HS3ST3A1: variants seen among roughly 807,000 people sequenced by gnomAD.
HS3ST3A1 encodes heparan sulfate-glucosamine 3-sulfotransferase 3A1.
Under a neutral mutation model 25.7 loss-of-function variants are expected in HS3ST3A1, and 19 were observed. The ratio of observed to expected loss-of-function variants is 0.74; its 90% confidence interval spans 0.52 to 1.08. The LOEUF (loss-of-function observed/expected upper bound fraction) is 1.08, where lower values mean the gene tolerates loss of function less well. HS3ST3A1 is among the 50% of genes least tolerant of loss of function. HS3ST3A1 has a pLI of 0.00. For missense variants in HS3ST3A1, 459 were observed against 594.3 expected, an observed-to-expected ratio of 0.77 and a Z score of 2.37; for synonymous variants, 226 against 278.6, an observed-to-expected ratio of 0.81 and a Z score of 1.88.
intron 1 of HS3ST3A1, among the ~76,000 whole-genome samples, chr17:13,594,772 A>G (rs1265061851): frequency 6.6e-6 from 1 of 152,216 alleles, no homozygotes; most frequent in Non-Finnish European, 1.5e-5. Flanking sequence ...CTTGCTTGAA[A>G]AAAAGGCAAA....
chr17:13,562,393 G>A (rs1431902895), intron 1 of HS3ST3A1, among the ~76,000 whole-genome samples: 1 of 152,186 alleles, frequency 6.6e-6, no homozygotes, highest in Non-Finnish European at 1.5e-5. Context: ...TGTCACCAGT[G>A]TGGCTGCTCG....
At chr17:13,521,866 T>A (rs8073867) in intron 1 of HS3ST3A1, among the ~76,000 whole-genome samples, 42,395 of 152,008 alleles carry the variant, frequency 0.28, 6,286 homozygotes, top group East Asian at 0.34. Context: ...CGTTCCAGGA[T>A]GGATAATTCT....
At chr17:13,499,008 T>C (rs1905372881) in intron 1 of HS3ST3A1, among the ~76,000 whole-genome samples, 1 of 152,106 alleles carries the variant, frequency 6.6e-6, no homozygotes, top group South Asian at 2.1e-4. Flanking sequence ...TTACTTTTTA[T>C]AGACATTTGC....
chr17:13,596,060 A>G (rs993108296), intron 1 of HS3ST3A1, among the ~76,000 whole-genome samples: 16 of 152,172 alleles, frequency 1.1e-4, no homozygotes, highest in African/African-American at 3.6e-4. Context: ...AAGGAGACAA[A>G]TATTTTGGCC....
At chr17:13,523,582 A>G (rs898144518) in intron 1 of HS3ST3A1, among the ~76,000 whole-genome samples, 1 of 152,150 alleles carries the variant, frequency 6.6e-6, no homozygotes, top group African/African-American at 2.4e-5. Flanking sequence ...TTTCCATAGA[A>G]TTTGTGCCCT....
rs555060885 is a variant in HS3ST3A1, at chr17:13,598,579, C to T, written c.599+1952G>A. ...TAAATTGCTTTACAAAACTCTTCTGCTGCAGTAAACAATCCAAGAAGAGAT... is the reference window on the plus strand; with the variant it reads ...TAAATTGCTTTACAAAACTCTTCTGTTGCAGTAAACAATCCAAGAAGAGAT... On this transcript the variant is annotated intron_variant, in intron 1 of 1. Coordinates refer to ENST00000284110, the MANE Select transcript of HS3ST3A1 (RefSeq NM_006042.3). 3.3e-5 allele frequency among the ~76,000 whole-genome samples: 5 copies of T among 152,330 alleles called. No individual in the cohort carries two copies. In the East Asian group the frequency reaches 9.6e-4, roughly 29 times the overall value.
chr17:13,514,771 A>C (rs1905997530), intron 1 of HS3ST3A1, among the ~76,000 whole-genome samples: 1 of 152,182 alleles, frequency 6.6e-6, no homozygotes, highest in Admixed American at 6.5e-5. Context: ...AAAGTGATGA[A>C]ACTGTTTTAT....
At chr17:13,556,440 G>C (rs1281804090) in intron 1 of HS3ST3A1, among the ~76,000 whole-genome samples, 1 of 151,210 alleles carries the variant, frequency 6.6e-6, no homozygotes, top group Non-Finnish European at 1.5e-5. Flanking sequence ...CCCGGGAGGC[G>C]GAGCTTGCAG....
chr17:13,573,204 T>C (rs1044048197), intron 1 of HS3ST3A1, among the ~76,000 whole-genome samples: 3 of 152,170 alleles, frequency 2.0e-5, no homozygotes, highest in African/African-American at 7.2e-5. Context: ...GCCCTAGATC[T>C]CATCCACCCT....
intron 1 of HS3ST3A1, among the ~76,000 whole-genome samples, chr17:13,573,532 C>T (rs1042891491): frequency 2.6e-5 from 4 of 152,138 alleles, no homozygotes; most frequent in Non-Finnish European, 4.4e-5. Context: ...AACCAGAAAT[C>T]GAAATCTGAT....
At chr17:13,518,300 T>C (rs1906119232) in intron 1 of HS3ST3A1, among the ~76,000 whole-genome samples, 1 of 152,324 alleles carries the variant, frequency 6.6e-6, no homozygotes, top group East Asian at 1.9e-4. Flanking sequence ...CTCTAATTTA[T>C]TCATACAATG....
chr17:13,529,559 A>T (rs1906538166), intron 1 of HS3ST3A1, among the ~76,000 whole-genome samples: 1 of 152,208 alleles, frequency 6.6e-6, no homozygotes, highest in Non-Finnish European at 1.5e-5. Flanking sequence ...ACTGTATGTG[A>T]CAAATCCCAT....
At chr17:13,551,375 A>G (rs1051537357) in intron 1 of HS3ST3A1, among the ~76,000 whole-genome samples, 1 of 147,298 alleles carries the variant, frequency 6.8e-6, no homozygotes, top group African/African-American at 2.5e-5. Flanking sequence ...ATAAATAAAT[A>G]AATAAATAAA....
rs530248665 is a variant in HS3ST3A1, at chr17:13,543,436, A to G, written c.600-46618T>C. ...AAAAATATTTTTTTTTCTCTGACAT[A>G]GCCCAAGCAGACTAATACAGTGCCA... is the stretch of plus-strand genomic sequence containing the variant. On this transcript the variant is annotated intron_variant, in intron 1 of 1. Coordinates refer to ENST00000284110, the MANE Select transcript of HS3ST3A1 (RefSeq NM_006042.3). 4 of 167,330 alleles carry G rather than the reference A, an allele frequency of 2.4e-5. No individual in the cohort carries two copies. The East Asian group carries it at 7.9e-4, about 33-fold the overall frequency. 10.4% of individuals were successfully genotyped at this position (167,330 alleles called of 1,614,324 possible). A position where few individuals can be genotyped will look rare whatever the true frequency, so the allele number is the denominator to read the frequency against.
intron 1 of HS3ST3A1, among the ~76,000 whole-genome samples, chr17:13,590,678 G>T (rs1395372348): frequency 1.3e-5 from 2 of 152,118 alleles, no homozygotes; most frequent in Non-Finnish European, 2.9e-5. Context: ...GTAAAGGCTT[G>T]GTGTTAGTAA....
chr17:13,499,765 A>AGGAGTTT (rs1435773203), intron 1 of HS3ST3A1, among the ~76,000 whole-genome samples: 1 of 152,192 alleles, frequency 6.6e-6, no homozygotes, highest in Non-Finnish European at 1.5e-5. Flanking sequence ...CCAACATAAG[A>AGGAGTTT]GGAGTTTGAA....
At chr17:13,591,708 G>A (rs972322959) in intron 1 of HS3ST3A1, among the ~76,000 whole-genome samples, 1 of 149,576 alleles carries the variant, frequency 6.7e-6, no homozygotes, top group African/African-American at 2.5e-5. Context: ...GCCCAGGCTG[G>A]AGTGCAGTGG....
intron 1 of HS3ST3A1, among the ~76,000 whole-genome samples, chr17:13,583,514 GCTC>G (rs1329211499): frequency 2.6e-5 from 4 of 152,042 alleles, no homozygotes; most frequent in Admixed American, 2.6e-4. Flanking sequence ...AGTTTTCTGG[GCTC>G]CTCATACTCT....
intron 1 of HS3ST3A1, among the ~76,000 whole-genome samples, chr17:13,505,840 A>G (rs993843835): frequency 1.3e-5 from 2 of 151,950 alleles, no homozygotes; most frequent in East Asian, 1.9e-4. Flanking sequence ...CCTGACCAAC[A>G]TGGTGAAACC....
Sources: allele counts gnomAD v4.1 joint callset (sites outside exome capture counted in the v4.1 genomes callset), GRCh38; gene constraint gnomAD v4.1.1; transcripts MANE v1.5; gene names NCBI Gene and HGNC (gene_info 2026-07-23, HGNC 2026-07-21).